The following SRGAP2C variants were observed in gnomAD, a reference collection of about 807,000 sequenced individuals.
SRGAP2C encodes the protein SLIT-ROBO Rho GTPase activating protein 2C.
Under a neutral mutation model 25.1 loss-of-function variants are expected in SRGAP2C, and 15 were observed. The ratio of observed to expected loss-of-function variants is 0.60; its 90% confidence interval spans 0.40 to 0.92. SRGAP2C has a LOEUF of 0.92. Among genes scored for constraint, SRGAP2C ranks in the 40% least tolerant of loss-of-function variants. The probability of loss-of-function intolerance (pLI) is 0.00; values close to 1 mark genes in which losing one functional copy is unlikely to be tolerated. For synonymous variants in SRGAP2C, 44 were observed against 96.6 expected, an observed-to-expected ratio of 0.46 and a Z score of 3.19; for missense variants, 144 against 264.4, an observed-to-expected ratio of 0.54 and a Z score of 3.16.
At chr1:121,315,090 G>A (rs1658066581) in intron 3 of SRGAP2C, 1 of 714,680 alleles carries the variant, frequency 1.4e-6, no homozygotes, top group South Asian at 1.5e-5. Context: ...GGCGGGGTGA[G>A]GCGAAGGTCT....
chr1:121,222,652 T>TA (rs1219193534), intron 2 of SRGAP2C, among the ~76,000 whole-genome samples: 1 of 152,022 alleles, frequency 6.6e-6, no homozygotes, highest in Non-Finnish European at 1.5e-5. Context: ...AAAAAACCCC[T>TA]AAAAAACAAA....
At chr1:121,383,314 C>T (rs1316287431) in intron 8 of SRGAP2C, among the ~76,000 whole-genome samples, 1 of 148,404 alleles carries the variant, frequency 6.7e-6, no homozygotes, top group African/African-American at 2.5e-5. Flanking sequence ...GGGAGGGGGG[C>T]GCTCCCAGTG....
intron 2 of SRGAP2C, among the ~76,000 whole-genome samples, chr1:121,188,025 C>G (rs2101356793): frequency 6.6e-6 from 1 of 152,198 alleles, no homozygotes; most frequent in African/African-American, 2.4e-5. Context: ...GGCATTGGCA[C>G]CAAAAGTCCA....
chr1:121,320,925 G>T (rs1345571664), intron 3 of SRGAP2C, among the ~76,000 whole-genome samples: 14 of 152,174 alleles, frequency 9.2e-5, no homozygotes, highest in Non-Finnish European at 1.9e-4. Flanking sequence ...CTAGGCCCTT[G>T]AGCCTTCTAT....
rs1253398847 is a variant in SRGAP2C at position 121,389,139 on chromosome 1, ATTC to A, written c.*1287_*1289del. 2.0e-5 allele frequency: 3 copies of A among 152,146 alleles called. No homozygotes were observed. Among genetic ancestry groups the A allele is most frequent in the African/African-American group, 7.2e-5 (3 of 41,456 alleles). The allele number at this position is 152,146 out of a possible 1,614,324, so 9.4% of individuals were successfully genotyped here. ...ACAATCTAAGTCATATAATTATAAT[ATTC>A]TTTAAGCATATTTATGAGTAAAATA... is the stretch of plus-strand genomic sequence containing the variant. On this transcript the variant is annotated 3_prime_UTR_variant, in exon 10 of 10. Coordinates refer to ENST00000367123, the MANE Select transcript of SRGAP2C (RefSeq NM_001329984.2).
intron 3 of SRGAP2C, among the ~76,000 whole-genome samples, chr1:121,305,312 T>C (rs1389827790): frequency 7.9e-6 from 1 of 127,260 alleles, no homozygotes. Context: ...ATAATGTTGA[T>C]CTGGCCTTTC....
chr1:121,343,665 C>T (rs1197583124), intron 4 of SRGAP2C, among the ~76,000 whole-genome samples: 1 of 135,518 alleles, frequency 7.4e-6, no homozygotes, highest in East Asian at 2.3e-4. Context: ...ATTCTGGCTG[C>T]GCATTCCTCA....
chr1:121,286,010 A>G (rs1332182750), intron 3 of SRGAP2C, among the ~76,000 whole-genome samples: 2 of 152,242 alleles, frequency 1.3e-5, no homozygotes, highest in Non-Finnish European at 2.9e-5. Flanking sequence ...ATTGCAAAAA[A>G]AGTCATAATA....
intron 2 of SRGAP2C, among the ~76,000 whole-genome samples, chr1:121,268,407 T>A (rs1656858878): frequency 6.6e-6 from 1 of 151,474 alleles, no homozygotes; most frequent in African/African-American, 2.4e-5. Context: ...CCATGTAAGG[T>A]TTTGGAAAGC....
intron 2 of SRGAP2C, among the ~76,000 whole-genome samples, chr1:121,267,880 T>A (rs1428517124): frequency 4.6e-5 from 7 of 151,636 alleles, no homozygotes; most frequent in African/African-American, 1.7e-4. Context: ...TAACTCTTGC[T>A]TATTTTTTTA....
intron 3 of SRGAP2C, among the ~76,000 whole-genome samples, chr1:121,307,338 T>C (rs1657863682): frequency 6.6e-6 from 1 of 152,032 alleles, no homozygotes; most frequent in South Asian, 2.1e-4. Flanking sequence ...GACCTATACG[T>C]TGATTTTTTT....
chr1:121,239,282 C>CTA (rs1172267467), intron 2 of SRGAP2C, among the ~76,000 whole-genome samples: 980 of 1,706 alleles, frequency 0.57, 372 homozygotes, highest in South Asian at 0.66. Flanking sequence ...TATATATATA[C>CTA]TATATATATA....
intron 2 of SRGAP2C, among the ~76,000 whole-genome samples, chr1:121,222,303 T>C (rs587665384): frequency 6.6e-6 from 1 of 152,262 alleles, no homozygotes; most frequent in Admixed American, 6.5e-5. Flanking sequence ...CTTTGCCATT[T>C]ATGTTACTTC....
rs1297720417 is a variant in SRGAP2C, at chr1:121,391,110, G to A, written c.*3255G>A. 1 of 151,440 alleles carries A rather than the reference G, an allele frequency of 6.6e-6. No homozygotes were observed. The highest frequency in any genetic ancestry group is 1.5e-5 in the Non-Finnish European group (1 of 67,914). 9.4% of individuals were successfully genotyped at this position (151,440 alleles called of 1,614,324 possible). A position where few individuals can be genotyped will look rare whatever the true frequency, so the allele number is the denominator to read the frequency against. On this transcript the variant is annotated 3_prime_UTR_variant, in exon 10 of 10. Transcript: ENST00000367123. ...GTGGTGGCTCACGCCTGTAATCCCAGCACTTTGGGAGGCCGAGGCGGGTGG... is the reference window on the plus strand; with the variant it reads ...GTGGTGGCTCACGCCTGTAATCCCAACACTTTGGGAGGCCGAGGCGGGTGG...
At chr1:121,328,406 TTAA>T (rs1232466669) in intron 4 of SRGAP2C, among the ~76,000 whole-genome samples, 1 of 151,702 alleles carries the variant, frequency 6.6e-6, no homozygotes, top group African/African-American at 2.4e-5. Context: ...TCTATAAAAC[TTAA>T]TGATTCACTG....
At chr1:121,303,501 C>A (rs1657745111) in intron 3 of SRGAP2C, among the ~76,000 whole-genome samples, 1 of 151,982 alleles carries the variant, frequency 6.6e-6, no homozygotes, top group Non-Finnish European at 1.5e-5. Flanking sequence ...ACTTTCCTTG[C>A]CTTTACTGTG....
intron 7 of SRGAP2C, among the ~76,000 whole-genome samples, chr1:121,379,690 G>GA (rs1381429400): frequency 6.5e-5 from 9 of 137,772 alleles, no homozygotes; most frequent in African/African-American, 2.5e-4. Flanking sequence ...GGCACATTGT[G>GA]ACTCAGACCC....
chr1:121,226,126 T>TA (rs1409957839), intron 2 of SRGAP2C, among the ~76,000 whole-genome samples: 4 of 151,294 alleles, frequency 2.6e-5, no homozygotes, highest in Non-Finnish European at 5.9e-5. Context: ...ATAAACCATT[T>TA]AATTTCTCCA....
intron 2 of SRGAP2C, among the ~76,000 whole-genome samples, chr1:121,207,675 C>A (rs1417018867): frequency 6.6e-6 from 1 of 152,168 alleles, no homozygotes; most frequent in Non-Finnish European, 1.5e-5. Flanking sequence ...GGGGATCAGG[C>A]TAAAACCATT....
Sources: allele counts gnomAD v4.1 joint callset (sites outside exome capture counted in the v4.1 genomes callset), GRCh38; gene constraint gnomAD v4.1.1; transcripts MANE v1.5; gene names NCBI Gene and HGNC (gene_info 2026-07-23, HGNC 2026-07-21).